The following HECW2 variants were observed in gnomAD, a reference collection of about 807,000 sequenced individuals.
HECW2 encodes the protein E3 ubiquitin-protein ligase HECW2.
In HECW2, 61 loss-of-function variants were observed where a neutral mutation model predicts 175.2. The ratio of observed to expected loss-of-function variants is 0.35; its 90% CI spans 0.28 to 0.43. The LOEUF (loss-of-function observed/expected upper bound fraction) is 0.43. Ranked by LOEUF, HECW2 falls within the 20% of genes least tolerant of loss-of-function variation. HECW2 has a pLI of 1.00. For missense variants in HECW2, 1,524 were observed against 2,000.5 expected (o/e 0.76, Z 4.54); for synonymous variants, 671 against 731.0 (o/e 0.92, Z 1.32).
rs151040359 is a variant in HECW2, at chr2:196,561,018, T to G, written c.-36+32490A>C. On this transcript the variant is annotated intron_variant, in intron 1 of 28. Transcript: ENST00000644978. ...AAAAAGAATAGGATAACAGCGATGT[T>G]CAGGGAACAAGGGAGATAACCATTA... Among the ~76,000 whole-genome samples the G allele has an allele frequency of 7.5e-3, 1,146 of 152,278 alleles. 7 individuals carry two copies. Among genetic ancestry groups the G allele is most frequent in the Non-Finnish European group, 0.014 (921 of 68,030 alleles).
intron 1 of HECW2, among the ~76,000 whole-genome samples, chr2:196,454,331 C>T (rs1575559229): frequency 6.6e-6 from 1 of 152,178 alleles, no homozygotes; most frequent in Admixed American, 6.5e-5. Flanking sequence ...TTTGTTTTCA[C>T]ACAAAATGTA....
chr2:196,210,617 AT>A (rs539957970), intron 28 of HECW2, among the ~76,000 whole-genome samples: 98 of 151,156 alleles, frequency 6.5e-4, no homozygotes, highest in African/African-American at 2.2e-3. Context: ...TAAAAAGCAG[AT>A]TTTTTTTTCT....
chr2:196,545,806 G>A (rs1689399188), intron 1 of HECW2, among the ~76,000 whole-genome samples: 1 of 152,198 alleles, frequency 6.6e-6, no homozygotes, highest in Admixed American at 6.5e-5. Flanking sequence ...TTGGTCCCAA[G>A]TACTGAGAGT....
At chr2:196,506,380 T>A (rs972749585) in intron 1 of HECW2, among the ~76,000 whole-genome samples, 3 of 152,182 alleles carry the variant, frequency 2.0e-5, no homozygotes, top group Non-Finnish European at 2.9e-5. Context: ...AAACTGCAAC[T>A]TCAAGTGAAA....
intron 21 of HECW2, among the ~76,000 whole-genome samples, chr2:196,234,924 C>T (rs1688187263): frequency 6.6e-6 from 1 of 152,140 alleles, no homozygotes. Context: ...TGGAAATTTT[C>T]ATGACTAAAG....
intron 2 of HECW2, among the ~76,000 whole-genome samples, chr2:196,354,886 A>T (rs1693307233): frequency 6.6e-6 from 1 of 152,246 alleles, no homozygotes; most frequent in Non-Finnish European, 1.5e-5. Flanking sequence ...CTTACCTAAG[A>T]TCACATAACC....
intron 15 of HECW2, among the ~76,000 whole-genome samples, chr2:196,278,133 A>AAAAAAAATATATATAT (rs531920307): frequency 1.5e-5 from 1 of 66,550 alleles, no homozygotes; most frequent in Non-Finnish European, 3.3e-5. Context: ...ATAATTAAAA[A>AAAAAAAATATATATAT]ATATATATAT....
At chr2:196,238,987 G>C (rs756691592) in intron 21 of HECW2, 13 of 152,238 alleles carry the variant, frequency 8.5e-5, no homozygotes, top group Non-Finnish European at 1.8e-4. Flanking sequence ...CTGGAGTTCT[G>C]GGGGAGGAAA....
chr2:196,566,389 T>C (rs1041729116), intron 1 of HECW2, among the ~76,000 whole-genome samples: 2 of 151,982 alleles, frequency 1.3e-5, no homozygotes, highest in Non-Finnish European at 2.9e-5. Flanking sequence ...TTTTCTGAAG[T>C]AAAATAAGCA....
At position 196,319,905 on chromosome 2, in the gene HECW2, C is replaced by A; in HGVS notation, c.986-1G>T. 3 of 1,579,398 alleles carry A rather than the reference C, an allele frequency of 1.9e-6. No individual in the cohort carries two copies. The South Asian group carries it at 3.4e-5, about 18-fold the overall frequency. The stretch of plus-strand genomic sequence containing the variant: ...GTGCCAACAGCTTCTGGAGAGGCAT[C>A]TGAATGAGAAAACAGCATTTCTAAA... On this transcript the variant is annotated splice_acceptor_variant, in intron 8 of 28. Coordinates refer to ENST00000644978, the MANE Select transcript of HECW2 (RefSeq NM_001348768.2). LOFTEE classifies it high-confidence loss of function.
At chr2:196,515,757 T>G (rs1688124955) in intron 1 of HECW2, among the ~76,000 whole-genome samples, 1 of 152,192 alleles carries the variant, frequency 6.6e-6, no homozygotes, top group South Asian at 2.1e-4. Flanking sequence ...CTGACATTAC[T>G]TTAAAAATCT....
At chr2:196,315,149 A>AGTGTGTGT (rs58473650) in intron 10 of HECW2, among the ~76,000 whole-genome samples, 49 of 144,822 alleles carry the variant, frequency 3.4e-4, no homozygotes, top group Non-Finnish European at 5.9e-4. Flanking sequence ...CGAGTGTATG[A>AGTGTGTGT]GTGTGTGTGT....
rs965475198 is a variant in HECW2 at position 196,199,123 on chromosome 2, A to C, written c.*2154T>G. ...TTGAATGTATTTTTGAAAGAAATGC[A>C]ACCTTTATCTGCTGCTTGGAGAATG... On this transcript the variant is annotated 3_prime_UTR_variant, in exon 29 of 29. Coordinates refer to ENST00000644978, the MANE Select transcript of HECW2 (RefSeq NM_001348768.2). 2.6e-5 allele frequency: 4 copies of C among 152,620 alleles called. No individual in the cohort carries two copies. Among genetic ancestry groups the C allele is most frequent in the South Asian group, 2.1e-4 (1 of 4,836 alleles). 9.5% of individuals were successfully genotyped at this position (152,620 alleles called of 1,614,324 possible).
chr2:196,402,064 G>A (rs2125207440), intron 2 of HECW2, among the ~76,000 whole-genome samples: 1 of 152,012 alleles, frequency 6.6e-6, no homozygotes, highest in Admixed American at 6.5e-5. Flanking sequence ...AGCCGGACGT[G>A]GTGGCGGGCG....
chr2:196,367,837 G>A (rs1693786828), intron 2 of HECW2, among the ~76,000 whole-genome samples: 1 of 148,796 alleles, frequency 6.7e-6, no homozygotes, highest in Non-Finnish European at 1.5e-5. Context: ...TCTTTTTCAT[G>A]GCCGAATAGT....
At chr2:196,217,194 G>T in intron 26 of HECW2, 101 bp from the exon 27 acceptor site, 1 of 759,076 alleles carries the variant, frequency 1.3e-6, no homozygotes, top group Non-Finnish European at 2.2e-6. Context: ...TCATCCTCTT[G>T]AATTCTTTAC....
chr2:196,327,612 G>A (rs1373480720), intron 5 of HECW2, among the ~76,000 whole-genome samples: 2 of 152,188 alleles, frequency 1.3e-5, no homozygotes, highest in Non-Finnish European at 2.9e-5. Context: ...CCATTCTAAA[G>A]TGCTTAAATG....
At chr2:196,408,806 G>A (rs549660988) in intron 2 of HECW2, among the ~76,000 whole-genome samples, 1 of 152,210 alleles carries the variant, frequency 6.6e-6, no homozygotes, top group Non-Finnish European at 1.5e-5. Context: ...ATTAGGATCT[G>A]AGGAATGCTG....
chr2:196,339,459 CAT>C lies in HECW2; in HGVS notation c.400+4196_400+4197del, dbSNP rs1692668231. On this transcript the variant is annotated intron_variant, in intron 3 of 28. Coordinates refer to ENST00000644978, the MANE Select transcript of HECW2 (RefSeq NM_001348768.2). ...GTTTTGTCATATTCCTCAATGATCA[CAT>C]ATCAATTCAGTACATAGCAATGTAG... 2.6e-5 allele frequency among the ~76,000 whole-genome samples: 4 copies of C among 152,326 alleles called. No individual in the cohort carries two copies. The South Asian group carries it at 8.3e-4, about 32-fold the overall frequency.
Sources: gnomAD v4.1 joint callset for allele counts (sites outside exome capture counted in the v4.1 genomes callset) on GRCh38, gnomAD v4.1.1 for gene constraint, MANE v1.5 for transcripts, NCBI Gene and HGNC (gene_info 2026-07-23, HGNC 2026-07-21) for gene names.